The following RPA3 variants were observed in gnomAD, a reference collection of about 807,000 sequenced individuals.
RPA3 encodes the protein replication protein A3, also known as replication protein A 14 kDa subunit.
RPA3 carries 24 observed loss-of-function variants against 13.7 expected under a neutral mutation model. The observed-to-expected ratio is 1.75, with a 90% confidence interval of 1.27 to 2.46. The LOEUF (loss-of-function observed/expected upper bound fraction) is 2.46, where lower values mean the gene tolerates loss of function less well. RPA3 is among the 30% of genes most tolerant of loss of function. The probability of loss-of-function intolerance (pLI) is 0.00; values close to 1 mark genes in which losing one functional copy is unlikely to be tolerated. For synonymous variants in RPA3, 59 were observed against 51.2 expected (o/e 1.15, Z -0.65); for missense variants, 183 against 151.0 (o/e 1.21, Z -1.11).
intron 4 of RPA3, among the ~76,000 whole-genome samples, chr7:7,654,506 C>T (rs1188694398): frequency 6.6e-6 from 1 of 152,218 alleles, no homozygotes; most frequent in Non-Finnish European, 1.5e-5. Flanking sequence ...GCTCAAGTGC[C>T]TTTTATTAAA....
At chr7:7,664,521 C>A (rs1007602746) in intron 4 of RPA3, among the ~76,000 whole-genome samples, 1 of 152,184 alleles carries the variant, frequency 6.6e-6, no homozygotes, top group Non-Finnish European at 1.5e-5. Context: ...GTCTTGATTT[C>A]TGTTGCTTAT....
chr7:7,685,134 A>T (rs1219345501), intron 4 of RPA3, among the ~76,000 whole-genome samples: 3 of 152,288 alleles, frequency 2.0e-5, no homozygotes, highest in African/African-American at 7.2e-5. Context: ...TGAATATTCT[A>T]CCTTGTATGA....
intron 2 of RPA3, among the ~76,000 whole-genome samples, chr7:7,693,865 G>T (rs1780240191): frequency 6.6e-6 from 1 of 151,986 alleles, no homozygotes; most frequent in Non-Finnish European, 1.5e-5. Flanking sequence ...CCTCTGTGGT[G>T]GGTTTTTATA....
chr7:7,655,835 CTCTT>C (rs1284014299), intron 4 of RPA3, among the ~76,000 whole-genome samples: 3 of 151,594 alleles, frequency 2.0e-5, no homozygotes, highest in Non-Finnish European at 1.5e-5. Flanking sequence ...CTCTCTCTCT[CTCTT>C]TGTTTTTGTT....
intron 2 of RPA3, among the ~76,000 whole-genome samples, chr7:7,689,954 G>A (rs1780135875): frequency 6.6e-6 from 1 of 152,112 alleles, no homozygotes. Flanking sequence ...CTTATATATA[G>A]GTGTTTTTAC....
intron 2 of RPA3, among the ~76,000 whole-genome samples, chr7:7,689,066 A>G (rs1006980973): frequency 6.6e-6 from 1 of 152,090 alleles, no homozygotes. Context: ...CTGCTTGACC[A>G]TGCGTTTTAG....
At chr7:7,670,636 G>C (rs1002114131) in intron 4 of RPA3, among the ~76,000 whole-genome samples, 1 of 152,142 alleles carries the variant, frequency 6.6e-6, no homozygotes, top group African/African-American at 2.4e-5. Context: ...AAAGTTCAGT[G>C]CCTCTGGCTG....
chr7:7,708,723 A>T (rs1313252482), intron 2 of RPA3, among the ~76,000 whole-genome samples: 1 of 152,176 alleles, frequency 6.6e-6, no homozygotes, highest in Non-Finnish European at 1.5e-5. Context: ...AGCTGATTTG[A>T]CTGAAACGAG....
intron 4 of RPA3, among the ~76,000 whole-genome samples, chr7:7,670,891 TG>T (rs1310968873): frequency 4.6e-5 from 7 of 152,208 alleles, no homozygotes; most frequent in African/African-American, 9.6e-5. Context: ...GGCCCAAGAA[TG>T]TTCCTTAATT....
intron 2 of RPA3, among the ~76,000 whole-genome samples, chr7:7,703,720 G>A (rs181435794): frequency 2.8e-4 from 42 of 152,150 alleles, no homozygotes; most frequent in African/African-American, 8.9e-4. Context: ...CTGGCAGATC[G>A]CTTGAGCCCA....
intron 4 of RPA3, among the ~76,000 whole-genome samples, chr7:7,653,292 T>G (rs1785269038): frequency 6.6e-6 from 1 of 152,238 alleles, no homozygotes; most frequent in Non-Finnish European, 1.5e-5. Context: ...AATGTGTCAC[T>G]GTATCATTAA....
At chr7:7,692,616 T>A (rs1273913069) in intron 2 of RPA3, 2 of 152,206 alleles carry the variant, frequency 1.3e-5, no homozygotes, top group African/African-American at 4.8e-5. Flanking sequence ...ATTTTTTGTT[T>A]GTTTGTTTGT....
rs143912485 is a variant in RPA3, at chr7:7,658,172, A to G, written c.-757-16997T>C. Among the ~76,000 whole-genome samples the G allele has an allele frequency of 3.0e-4, 46 of 152,228 alleles. No individual in the cohort carries two copies. The East Asian group carries it at 8.5e-3, about 28-fold the overall frequency. ...TGCACATTGATTTTGTATCCTGAGA[A>G]TTTGCTGAAGTTGCTTATCAGCTTA... On this transcript the variant is annotated intron_variant, in intron 4 of 7. Coordinates refer to ENST00000223129, the MANE Select transcript of RPA3 (RefSeq NM_002947.5).
intron 2 of RPA3, among the ~76,000 whole-genome samples, chr7:7,691,851 A>G (rs929624161): frequency 6.6e-6 from 1 of 152,224 alleles, no homozygotes. Flanking sequence ...AACAAAAGTC[A>G]TGAAGATTTT....
At chr7:7,653,569 A>G (rs1291062711) in intron 4 of RPA3, among the ~76,000 whole-genome samples, 1 of 152,222 alleles carries the variant, frequency 6.6e-6, no homozygotes, top group Non-Finnish European at 1.5e-5. Context: ...AGGTGATCAT[A>G]CCCATTCACA....
intron 4 of RPA3, among the ~76,000 whole-genome samples, chr7:7,650,491 C>A (rs1202203699): frequency 6.6e-6 from 1 of 152,130 alleles, no homozygotes; most frequent in Non-Finnish European, 1.5e-5. Flanking sequence ...TTGCTGTAGG[C>A]TTACATGTCT....
chr7:7,707,638 G>T (rs906673575), intron 2 of RPA3, among the ~76,000 whole-genome samples: 1 of 152,012 alleles, frequency 6.6e-6, no homozygotes, highest in African/African-American at 2.4e-5. Flanking sequence ...TGATATTTTG[G>T]AATTTAAAAA....
intron 4 of RPA3, among the ~76,000 whole-genome samples, chr7:7,656,324 T>C (rs557781427): frequency 6.6e-6 from 1 of 152,248 alleles, no homozygotes; most frequent in African/African-American, 2.4e-5. Context: ...ATTTTTTTTT[T>C]GTTTTATTAT....
At chr7:7,658,128 T>C (rs912316803) in intron 4 of RPA3, among the ~76,000 whole-genome samples, 3 of 152,226 alleles carry the variant, frequency 2.0e-5, no homozygotes, top group African/African-American at 4.8e-5. Flanking sequence ...TATTGGTGTA[T>C]AGGAATGCTT....
Sources: allele counts gnomAD v4.1 joint callset (sites outside exome capture counted in the v4.1 genomes callset), GRCh38; gene constraint gnomAD v4.1.1; transcripts MANE v1.5; gene names NCBI Gene and HGNC (gene_info 2026-07-23, HGNC 2026-07-21).